LHFPL6: variants seen among roughly 807,000 people sequenced by gnomAD.
LHFPL6 encodes LHFPL tetraspan subfamily member 6.
Under a neutral mutation model 20.6 loss-of-function variants are expected in LHFPL6, and 9 were observed. That is an observed-to-expected ratio of 0.44 (90% CI 0.26 to 0.76). The LOEUF is 0.76. LHFPL6 is among the 30% of genes least tolerant of loss of function. LHFPL6 has a pLI of 0.20. For missense variants in LHFPL6, 218 were observed against 253.5 expected, an observed-to-expected ratio of 0.86 and a Z score of 0.95; for synonymous variants, 105 against 98.7, an observed-to-expected ratio of 1.06 and a Z score of -0.38.
intron 3 of LHFPL6, among the ~76,000 whole-genome samples, chr13:39,347,108 G>A (rs1869426309): frequency 7.1e-6 from 1 of 140,996 alleles, no homozygotes; most frequent in Non-Finnish European, 1.5e-5. Context: ...AAAAAGCCCC[G>A]TTAATGAATT....
chr13:39,540,469 G>A (rs1014565511), intron 2 of LHFPL6, among the ~76,000 whole-genome samples: 2 of 152,024 alleles, frequency 1.3e-5, no homozygotes, highest in African/African-American at 4.8e-5. Flanking sequence ...ATATACTACT[G>A]TATTTCTACA....
At position 39,445,884 on chromosome 13, in the gene LHFPL6, C is replaced by CT. The variant is rs138803710; in HGVS notation, c.386-67359dup. On this transcript the variant is annotated intron_variant, in intron 2 of 3. Coordinates refer to ENST00000379589, the MANE Select transcript of LHFPL6 (RefSeq NM_005780.3). The stretch of plus-strand genomic sequence containing the variant: ...ACCACAGAAGAGCTTTAAATTTAGG[C>CT]TTTTTTTCCTGTGGTACTTTAAGTA... Among the ~76,000 whole-genome samples, 1,948 of 152,110 alleles carry CT rather than the reference C, an allele frequency of 0.013. 85 individuals are homozygous for CT. In the East Asian group the frequency reaches 0.15, roughly 11 times the overall value.
At chr13:39,382,611 A>T (rs1870473125) in intron 2 of LHFPL6, among the ~76,000 whole-genome samples, 1 of 151,910 alleles carries the variant, frequency 6.6e-6, no homozygotes, top group South Asian at 2.1e-4. Flanking sequence ...GTTGGTCTTG[A>T]ACTCCTGACC....
chr13:39,346,226 C>T (rs893118941), intron 3 of LHFPL6, among the ~76,000 whole-genome samples: 4 of 152,114 alleles, frequency 2.6e-5, no homozygotes, highest in Non-Finnish European at 5.9e-5. Context: ...CATGAGTCAA[C>T]AGCAGCAAAA....
At chr13:39,392,613 A>C (rs903461835) in intron 2 of LHFPL6, among the ~76,000 whole-genome samples, 2 of 152,216 alleles carry the variant, frequency 1.3e-5, no homozygotes, top group South Asian at 4.1e-4. Context: ...ACAAAACAAA[A>C]CAAAACAAAA....
chr13:39,553,165 T>G (rs1224517773), intron 2 of LHFPL6, among the ~76,000 whole-genome samples: 1 of 152,220 alleles, frequency 6.6e-6, no homozygotes, highest in Admixed American at 6.5e-5. Context: ...ATTTTAGTCT[T>G]CATGGGAAAG....
At chr13:39,499,097 A>T (rs1392627128) in intron 2 of LHFPL6, among the ~76,000 whole-genome samples, 1 of 152,092 alleles carries the variant, frequency 6.6e-6, no homozygotes, top group African/African-American at 2.4e-5. Flanking sequence ...TCCTGACCTC[A>T]GGTGATCCAC....
chr13:39,548,844 C>G (rs1871059063), intron 2 of LHFPL6, among the ~76,000 whole-genome samples: 1 of 151,836 alleles, frequency 6.6e-6, no homozygotes, highest in Non-Finnish European at 1.5e-5. Flanking sequence ...GGGATTGTGT[C>G]ATGGAAATGC....
At chr13:39,434,295 CAGA>C (rs1162926248) in intron 2 of LHFPL6, among the ~76,000 whole-genome samples, 4 of 152,122 alleles carry the variant, frequency 2.6e-5, no homozygotes, top group Non-Finnish European at 4.4e-5. Context: ...TGACATTTTA[CAGA>C]AGAAGAATGG....
intron 2 of LHFPL6, among the ~76,000 whole-genome samples, chr13:39,594,528 A>T (rs953505517): frequency 3.9e-5 from 6 of 152,252 alleles, no homozygotes; most frequent in Non-Finnish European, 8.8e-5. Context: ...GGGACTGTAA[A>T]CTAGTTCAAC....
chr13:39,370,539 C>G (rs1870138528), intron 3 of LHFPL6, among the ~76,000 whole-genome samples: 2 of 152,228 alleles, frequency 1.3e-5, no homozygotes, highest in Admixed American at 6.5e-5. Context: ...AAATAGCAAT[C>G]TCAAAATGGA....
chr13:39,593,601 T>C (rs1872678638), intron 2 of LHFPL6, among the ~76,000 whole-genome samples: 1 of 152,134 alleles, frequency 6.6e-6, no homozygotes, highest in Non-Finnish European at 1.5e-5. Flanking sequence ...CTTCACAGAA[T>C]TGGAAAAAAC....
chr13:39,368,895 G>A (rs1870082024), intron 3 of LHFPL6, among the ~76,000 whole-genome samples: 1 of 152,064 alleles, frequency 6.6e-6, no homozygotes, highest in African/African-American at 2.4e-5. Context: ...TGACAACAGA[G>A]CCACTAATGA....
At chr13:39,466,403 A>C (rs1401042792) in intron 2 of LHFPL6, among the ~76,000 whole-genome samples, 2 of 152,182 alleles carry the variant, frequency 1.3e-5, no homozygotes, top group African/African-American at 4.8e-5. Flanking sequence ...GGGCAATGCA[A>C]AGACTGCTGC....
intron 2 of LHFPL6, among the ~76,000 whole-genome samples, chr13:39,590,903 C>T (rs1872572479): frequency 6.6e-6 from 1 of 152,106 alleles, no homozygotes; most frequent in Non-Finnish European, 1.5e-5. Context: ...CTGACCATGG[C>T]CTCAGGGGTA....
intron 2 of LHFPL6, among the ~76,000 whole-genome samples, chr13:39,466,206 T>G (rs1850759394): frequency 1.3e-5 from 2 of 152,176 alleles, no homozygotes; most frequent in Non-Finnish European, 2.9e-5. Flanking sequence ...GATCTGAGTT[T>G]GTTTGTTTGA....
rs1363178337 is a variant in LHFPL6, at chr13:39,493,237, G to C, written c.385+107595C>G. 2.7e-5 allele frequency among the ~76,000 whole-genome samples: 4 copies of C among 150,182 alleles called. No individual in the cohort carries two copies. The East Asian group carries it at 7.9e-4, about 30-fold the overall frequency. On this transcript the variant is annotated intron_variant, in intron 2 of 3. Coordinates refer to ENST00000379589, the MANE Select transcript of LHFPL6 (RefSeq NM_005780.3). ...TAATCCCAGCACTTTGGGAGGACAA[G>C]GTGGGCAGATCACCTGAAGTCAGGA...
intron 2 of LHFPL6, among the ~76,000 whole-genome samples, chr13:39,451,629 T>C (rs1393932744): frequency 6.6e-6 from 1 of 152,226 alleles, no homozygotes; most frequent in Non-Finnish European, 1.5e-5. Flanking sequence ...ATAAAAGCTG[T>C]TTATAACAAA....
intron 2 of LHFPL6, among the ~76,000 whole-genome samples, chr13:39,406,138 C>G (rs1424619824): frequency 6.6e-6 from 1 of 152,164 alleles, no homozygotes; most frequent in Non-Finnish European, 1.5e-5. Context: ...TGGCTGATAA[C>G]TCTTTTCCAA....
Sources: allele counts gnomAD v4.1 joint callset (sites outside exome capture counted in the v4.1 genomes callset), GRCh38; gene constraint gnomAD v4.1.1; transcripts MANE v1.5; gene names NCBI Gene and HGNC (gene_info 2026-07-23, HGNC 2026-07-21).